The following LIG1 variants were observed in gnomAD, a reference collection of about 807,000 sequenced individuals.
The protein encoded by LIG1 is ligase I, DNA, ATP-dependent.
A neutral mutation model predicts 115.7 loss-of-function variants in LIG1; 70 were observed. The observed-to-expected ratio is 0.60, with a 90% CI of 0.50 to 0.74. The LOEUF (loss-of-function observed/expected upper bound fraction) is 0.74, where lower values mean the gene tolerates loss of function less well. LIG1 is among the 30% of genes least tolerant of loss of function. The pLI is 0.00. For missense variants in LIG1, 1,115 were observed against 1,225.6 expected, an observed-to-expected ratio of 0.91 and a Z score of 1.35; for synonymous variants, 487 against 495.3, an observed-to-expected ratio of 0.98 and a Z score of 0.22.
intron 11 of LIG1, 38 bp downstream of exon 11, chr19:48,143,505 C>CGGGGGGGGGGGGGGCGGGGGGGGGGGGG: frequency 1.2e-6 from 1 of 850,466 alleles, no homozygotes; most frequent in Non-Finnish European, 2.0e-6. Context: ...GACCCAGAAG[C>CGGGGGGGGGGGGGGCGGGGGGGGGGGGG]GACCCCGCCC....
intron 20 of LIG1, 103 bp from the exon 21 acceptor site, chr19:48,127,451 T>C: frequency 9.6e-7 from 1 of 1,044,304 alleles, no homozygotes; most frequent in Middle Eastern, 2.3e-4. Flanking sequence ...TCGCCCCACC[T>C]AACTGGCTGC....
intron 21 of LIG1, among the ~76,000 whole-genome samples, chr19:48,124,811 T>C (rs1025041296): frequency 1.1e-4 from 17 of 152,100 alleles, no homozygotes; most frequent in African/African-American, 4.1e-4. Flanking sequence ...GGTCAGGAGT[T>C]CAACATCAGC....
At position 48,135,722 on chromosome 19, in the gene LIG1, G is replaced by A. The variant is rs150334649; in HGVS notation, c.1481C>T (p.Thr494Met). 45 of 1,614,014 alleles carry A rather than the reference G, an allele frequency of 2.8e-5. No individual in the cohort carries two copies. Among genetic ancestry groups the A allele is most frequent in the East Asian group, 6.7e-5 (3 of 44,898 alleles). Reference sequence around the variant, plus strand: ...GATCATGCCTTGCTCCTCCAGCCACGTCTTTCTGGCCTCTGCTGTCTTGCC... The same window carrying A: ...GATCATGCCTTGCTCCTCCAGCCACATCTTTCTGGCCTCTGCTGTCTTGCC... ...GKGKTAEARKTWLEEQGMILK... is the reference protein window; with the variant it reads ...GKGKTAEARKMWLEEQGMILK... The change falls in exon 16 of 28, where the codon ACG (threonine) becomes ATG (methionine). Residue 494 changes from threonine (T) to methionine (M), a missense_variant. Thr to Met is a moderately conservative substitution (Grantham distance 81, BLOSUM62 -1). Coordinates refer to ENST00000263274, the MANE Select transcript of LIG1 (RefSeq NM_000234.3).
chr19:48,143,538 G>C lies in LIG1; in HGVS notation c.914+5C>G. On this transcript the variant is annotated splice_donor_5th_base_variant and intron_variant, in intron 11 of 27. Transcript: ENST00000263274. ...CCCCCCACCCAGGCAGTCCTCATTA[G>C]TTACCGAGCAGACACCTCCTCGATC... is the stretch of plus-strand genomic sequence containing the variant. 1.3e-6 allele frequency: 2 copies of C among 1,583,712 alleles called. No individual in the cohort carries two copies. Among genetic ancestry groups the C allele is most frequent in the Non-Finnish European group, 1.7e-6 (2 of 1,161,590 alleles).
intron 26 of LIG1, 125 bp downstream of exon 26, chr19:48,117,513 C>T (rs2032933914): frequency 6.5e-6 from 7 of 1,074,778 alleles, no homozygotes; most frequent in Non-Finnish European, 9.5e-6. Flanking sequence ...AAATAAAATG[C>T]AAGCTCATCT....
At chr19:48,169,927 G>T (rs1055914385) in intron 1 of LIG1, 1 of 8,820 alleles carries the variant, frequency 1.1e-4, no homozygotes, top group Admixed American at 1.3e-3. Flanking sequence ...CCCCGGCCCC[G>T]CCCCTCAGTT....
rs1211740159 is a variant in LIG1 at position 48,135,791 on chromosome 19, C to T, written c.1424-12G>A. 6.2e-7 allele frequency: 1 copy of T among 1,610,032 alleles called. No homozygotes were observed. Among genetic ancestry groups the T allele is most frequent in the South Asian group, 1.1e-5 (1 of 91,022 alleles). On this transcript the variant is annotated splice_polypyrimidine_tract_variant and intron_variant, in intron 15 of 27. Transcript: ENST00000263274. ...GGCTGGTGGGAATTCTAAGAAAAGA[C>T]CCACCAGAGGCTTTGGAAGGCACCC...
At chr19:48,145,622 T>C (rs931277476) in intron 9 of LIG1, among the ~76,000 whole-genome samples, 1 of 152,086 alleles carries the variant, frequency 6.6e-6, no homozygotes, top group South Asian at 2.1e-4. Context: ...GGTATGAACT[T>C]GGGGTTTAAC....
At chr19:48,120,894 C>T in intron 24 of LIG1, 1 of 1,236,290 alleles carries the variant, frequency 8.1e-7, no homozygotes, top group Non-Finnish European at 1.0e-6. Flanking sequence ...CATTTCATAA[C>T]AAAAAAATTC....
intron 11 of LIG1, among the ~76,000 whole-genome samples, chr19:48,142,177 C>T (rs749214595): frequency 6.6e-6 from 1 of 151,994 alleles, no homozygotes; most frequent in South Asian, 2.1e-4. Flanking sequence ...GTGGCTCACA[C>T]CTGTAATCCC....
At position 48,164,862 on chromosome 19, in the gene LIG1, G is replaced by C. The variant is rs111590749; in HGVS notation, c.17+688C>G. 2.5e-4 allele frequency among the ~76,000 whole-genome samples: 38 copies of C among 152,308 alleles called. No homozygotes were observed. In the East Asian group the frequency reaches 4.2e-3, roughly 17 times the overall value. ...GGGCCTGATGGTTCTGTGTTGTTGGGGGGGCTGTCCTATGAATTGAAGGAT... is the reference window on the plus strand; with the variant it reads ...GGGCCTGATGGTTCTGTGTTGTTGGCGGGGCTGTCCTATGAATTGAAGGAT... On this transcript the variant is annotated intron_variant, in intron 2 of 27. Transcript: ENST00000263274.
At position 48,143,529 on chromosome 19, in the gene LIG1, T is replaced by C; in HGVS notation, c.914+14A>G. 2 of 674,502 alleles carry C rather than the reference T, an allele frequency of 3.0e-6. No individual in the cohort carries two copies. Among genetic ancestry groups the C allele is most frequent in the South Asian group, 1.4e-5 (1 of 73,214 alleles). 41.8% of individuals were successfully genotyped at this position (674,502 alleles called of 1,614,324 possible). The stretch of plus-strand genomic sequence containing the variant: ...GCGACCCCGCCCCCCACCCAGGCAG[T>C]CCTCATTAGTTACCGAGCAGACACC... On this transcript the variant is annotated intron_variant, in intron 11 of 27. Coordinates refer to ENST00000263274, the MANE Select transcript of LIG1 (RefSeq NM_000234.3).
At chr19:48,150,747 G>C (rs1419463922) in intron 7 of LIG1, among the ~76,000 whole-genome samples, 5 of 152,150 alleles carry the variant, frequency 3.3e-5, no homozygotes, top group Admixed American at 3.3e-4. Context: ...GCCAAGGCTG[G>C]AGTGCAGTGG....
intron 11 of LIG1, among the ~76,000 whole-genome samples, chr19:48,140,643 T>C (rs939887009): frequency 6.6e-5 from 10 of 152,194 alleles, no homozygotes; most frequent in Non-Finnish European, 1.5e-4. Context: ...ACATCACTAC[T>C]GTAAAACCTA....
intron 1 of LIG1, among the ~76,000 whole-genome samples, chr19:48,166,601 C>CT (rs1183644296): frequency 3.3e-5 from 5 of 152,134 alleles, no homozygotes; most frequent in African/African-American, 1.2e-4. Context: ...AAATTAAATA[C>CT]TTTTTTAAAA....
chr19:48,121,725 C>A (rs879840194), intron 23 of LIG1, among the ~76,000 whole-genome samples: 37 of 152,262 alleles, frequency 2.4e-4, no homozygotes, highest in Non-Finnish European at 4.9e-4. Context: ...CGCTTGAACC[C>A]GGGAGGCGGA....
chr19:48,149,782 T>C lies in LIG1; in HGVS notation c.757A>G (p.Lys253Glu), dbSNP rs2035350831. The change falls in exon 9 of 28, where the codon AAG (lysine) becomes GAG (glutamate). Residue 253 changes from lysine (K) to glutamate (E), a missense_variant. By Grantham distance (56) the Lys-to-Glu change is moderately conservative. Transcript: ENST00000263274. ...ACTCACCCCTCAGCAGCTCCCTCCT[T>C]TCCTGGAGCCCCTGGCTCCTCTTCC... ...VKEEEPGAPGKEGAAEGPLDP... is the reference protein window; with the variant it reads ...VKEEEPGAPGEEGAAEGPLDP... 1.2e-6 allele frequency: 2 copies of C among 1,614,042 alleles called. No individual in the cohort carries two copies. Among genetic ancestry groups the C allele is most frequent in the African/African-American group, 1.3e-5 (1 of 75,034 alleles).
chr19:48,124,972 A>C (rs990644229), intron 21 of LIG1, among the ~76,000 whole-genome samples: 1 of 151,458 alleles, frequency 6.6e-6, no homozygotes, highest in Non-Finnish European at 1.5e-5. Context: ...CCAAGATCAC[A>C]CCACTGCACT....
At chr19:48,120,666 G>T in intron 24 of LIG1, 1 of 605,960 alleles carries the variant, frequency 1.7e-6, no homozygotes, top group Non-Finnish European at 2.1e-6. Flanking sequence ...TGAGCAGAAG[G>T]TGTTCACTGG....
Sources: allele counts gnomAD v4.1 joint callset (sites outside exome capture counted in the v4.1 genomes callset), GRCh38; gene constraint gnomAD v4.1.1; transcripts MANE v1.5; gene names NCBI Gene and HGNC (gene_info 2026-07-23, HGNC 2026-07-21).